Variants in KCND2 observed in about 807,000 individuals in gnomAD.
KCND2 encodes the protein A-type voltage-gated potassium channel KCND2.
In KCND2, 16 loss-of-function variants were observed where a neutral mutation model predicts 54.4. The observed-to-expected ratio is 0.29, with a 90% CI of 0.20 to 0.45. The LOEUF (loss-of-function observed/expected upper bound fraction) is 0.45, where lower values mean the gene tolerates loss of function less well. Among genes scored for constraint, KCND2 ranks in the 20% least tolerant of loss-of-function variants. The pLI, the probability that KCND2 is intolerant of heterozygous loss-of-function variation, is 1.00. For missense variants in KCND2, 486 were observed against 824.2 expected, an observed-to-expected ratio of 0.59 and a Z score of 5.02; for synonymous variants, 317 against 310.7, an observed-to-expected ratio of 1.02 and a Z score of -0.21.
At chr7:120,474,406 C>A (rs573264696) in intron 1 of KCND2, among the ~76,000 whole-genome samples, 2 of 151,996 alleles carry the variant, frequency 1.3e-5, no homozygotes, top group Non-Finnish European at 2.9e-5. Context: ...GGTGCGATCT[C>A]GGCTCACTAC....
chr7:120,285,528 T>C (rs942977924), intron 1 of KCND2, among the ~76,000 whole-genome samples: 1 of 151,974 alleles, frequency 6.6e-6, no homozygotes, highest in African/African-American at 2.4e-5. Context: ...CACTGTGAAA[T>C]AGGACATAAG....
At chr7:120,657,079 A>G (rs983519992) in intron 1 of KCND2, among the ~76,000 whole-genome samples, 1 of 152,158 alleles carries the variant, frequency 6.6e-6, no homozygotes, top group African/African-American at 2.4e-5. Context: ...AAAAAAAACA[A>G]TTCTGTTTTG....
chr7:120,576,870 G>T (rs1265566501), intron 1 of KCND2, among the ~76,000 whole-genome samples: 1 of 152,102 alleles, frequency 6.6e-6, no homozygotes, highest in Non-Finnish European at 1.5e-5. Flanking sequence ...GGAGAGGCTG[G>T]GCGCGGTGGC....
Sources: gnomAD v4.1 joint callset for allele counts (sites outside exome capture counted in the v4.1 genomes callset) on GRCh38, gnomAD v4.1.1 for gene constraint, MANE v1.5 for transcripts, NCBI Gene and HGNC (gene_info 2026-07-23, HGNC 2026-07-21) for gene names.